Variants in SELENBP1 observed in about 807,000 individuals in gnomAD.
SELENBP1 encodes the protein methanethiol oxidase.
Under a neutral mutation model 61.0 loss-of-function variants are expected in SELENBP1, and 71 were observed. The observed-to-expected ratio is 1.16, with a 90% CI of 0.96 to 1.42. The LOEUF is 1.42. Among genes scored for constraint, SELENBP1 ranks in the 40% most tolerant of loss-of-function variants. SELENBP1 has a pLI of 0.00. For synonymous variants in SELENBP1, 270 were observed against 238.9 expected (o/e 1.13, Z -1.20); for missense variants, 561 against 605.0 (o/e 0.93, Z 0.76).
intron 1 of SELENBP1, among the ~76,000 whole-genome samples, chr1:151,371,868 C>A (rs544538782): frequency 6.6e-6 from 1 of 152,110 alleles, no homozygotes; most frequent in African/African-American, 2.4e-5. Context: ...TGGGGAATAC[C>A]CCCATCTGAA....
chr1:151,368,909 G>A (rs1236128927), intron 4 of SELENBP1, 95 bp downstream of exon 4: 1 of 1,322,954 alleles, frequency 7.6e-7, no homozygotes, highest in African/African-American at 1.5e-5. Flanking sequence ...GTAAGAGCTG[G>A]AGGCTGCTGG....
rs374782690 is a variant in SELENBP1, at chr1:151,365,055, C to G, written c.1138-11G>C. 10 of 1,603,132 alleles carry G rather than the reference C, an allele frequency of 6.2e-6. No individual in the cohort carries two copies. Among genetic ancestry groups the G allele is most frequent in the Non-Finnish European group, 8.5e-6 (10 of 1,174,946 alleles). On this transcript the variant is annotated splice_polypyrimidine_tract_variant and intron_variant, in intron 10 of 11. Transcript: ENST00000368868. ...AGCCACCCGTTTTCCCTTGGGAAAA[C>G]CAGGGGTCAGAGCCCAGGGTAACAC...
rs1222319758 is a variant in SELENBP1 at position 151,364,951 on chromosome 1, T to C, written c.1231A>G (p.Lys411Glu). 28 of 1,613,788 alleles carry C rather than the reference T, an allele frequency of 1.7e-5. No homozygotes were observed. Among genetic ancestry groups the C allele is most frequent in the African/African-American group, 4.0e-5 (3 of 74,862 alleles). The change falls in exon 11 of 12, where the codon AAG becomes GAG. Residue 411 changes from lysine (K) to glutamate (E), a missense_variant. Lys to Glu is a moderately conservative substitution (Grantham distance 56). Transcript: ENST00000368868. ...CTGATGAGATCAGGGTAAAACTGCT[T>C]GTCCCAGGCACTGTACAGCGACGTG... Reference protein sequence around the residue: ...ITTSLYSAWDKQFYPDLIREG... With the variant: ...ITTSLYSAWDEQFYPDLIREG...
chr1:151,366,634 G>T, intron 6 of SELENBP1, 88 bp downstream of exon 6: 1 of 1,508,722 alleles, frequency 6.6e-7, no homozygotes, highest in Admixed American at 1.7e-5. Flanking sequence ...TGGGGCCACA[G>T]GAGGGAAGTG....
In SELENBP1 at chr1:151,368,286, C is replaced by T. The variant is rs139596414; in HGVS notation, c.394G>A (p.Glu132Lys). 1.1e-4 allele frequency: 181 copies of T among 1,614,188 alleles called. No individual in the cohort carries two copies. In the East Asian group the frequency reaches 1.2e-3, roughly 11 times the overall value. The change falls in exon 5 of 12, where the codon GAA (glutamate) becomes AAA (lysine). Residue 132 changes from glutamate to lysine, a missense_variant. Glu to Lys is a moderately conservative substitution (Grantham distance 56). Transcript: ENST00000368868. ...TGGCTGGTGTGGAGAAAGGCCAGTT[C>T]GCACTTGGCATGGATGTCCTTGGGC... ...IEPKDIHAKC[E>K]LAFLHTSHCL...
intron 4 of SELENBP1, 43 bp from the exon 5 acceptor site, chr1:151,368,362 G>A (rs373207682): frequency 1.6e-5 from 25 of 1,602,694 alleles, no homozygotes; most frequent in Non-Finnish European, 2.1e-5. Context: ...ACAGGACTGG[G>A]AGTCCCTGCT....
chr1:151,365,124 G>T, intron 10 of SELENBP1, 65 bp downstream of exon 10: 1 of 1,581,740 alleles, frequency 6.3e-7, no homozygotes, highest in Non-Finnish European at 8.7e-7. Context: ...ATGCTCAGCT[G>T]CTCCCCCACA....
In SELENBP1 at chr1:151,366,445, C is replaced by T. The variant is rs758495626; in HGVS notation, c.673G>A (p.Gly225Arg). 92 of 1,613,344 alleles carry T rather than the reference C, an allele frequency of 5.7e-5. No homozygotes were observed. The highest frequency in any genetic ancestry group is 1.6e-4 in the Middle Eastern group (1 of 6,082). The change falls in exon 7 of 12, where the codon GGG (glycine) becomes AGG (arginine). Residue 225 changes from glycine (G) to arginine (R), a missense_variant. Gly to Arg is a moderately radical substitution (Grantham distance 125). Coordinates refer to ENST00000368868, the MANE Select transcript of SELENBP1 (RefSeq NM_003944.4). The stretch of plus-strand genomic sequence containing the variant: ...CAGTCCCATACATATAAGTGGCTCC[C>T]GTACAGTCCTGGGGTGGGAGTGGGG... ...NPADVEAGLY[G>R]SHLYVWDWQR...
intron 1 of SELENBP1, among the ~76,000 whole-genome samples, chr1:151,372,293 A>G (rs1652177564): frequency 6.6e-6 from 1 of 152,174 alleles, no homozygotes; most frequent in African/African-American, 2.4e-5. Flanking sequence ...CCTCTCTACT[A>G]TGTGAGGGCC....
Position 151,369,399 on chromosome 1 carries a change from C to T in SELENBP1, c.174+43G>A, listed in dbSNP as rs1278903134. On this transcript the variant is annotated intron_variant, in intron 3 of 11. Transcript: ENST00000368868. ...GGGGGCCCAGGGCCAGGGATGAGGG[C>T]AGCTATGGTCTCAAAGTAGCTGGCG... is the stretch of plus-strand genomic sequence containing the variant. 5.1e-6 allele frequency: 8 copies of T among 1,555,040 alleles called. No individual in the cohort carries two copies. The Admixed American group carries it at 5.5e-5, about 11-fold the overall frequency.
Position 151,366,810 on chromosome 1 carries a change from G to A in SELENBP1, c.576C>T (p.Tyr192=), listed in dbSNP as rs747234358. 2 of 1,614,134 alleles carry A rather than the reference G, an allele frequency of 1.2e-6. No individual in the cohort carries two copies. The highest frequency in any genetic ancestry group is 1.7e-6 in the Non-Finnish European group (2 of 1,180,024). The change falls in exon 6 of 12, where the codon TAC becomes TAT. Residue 192 remains tyrosine, a synonymous_variant. Transcript: ENST00000368868. ...TGATCATGACATTGTGTCGAGGCTG[G>A]TACCAGAAGTCATAGCCCAACGGTG... ...GAAPLGYDFW[Y]QPRHNVMIST...
Position 151,365,707 on chromosome 1 carries a change from G to T in SELENBP1, c.923-23C>A, listed in dbSNP as rs753810822. ...GGCCTGTGGGCAGGGGGCGAGTAGA[G>T]CCTTTAAGGACTCTTGTTTCCCAGG... is the stretch of plus-strand genomic sequence containing the variant. On this transcript the variant is annotated intron_variant, in intron 8 of 11. Transcript: ENST00000368868. 3.7e-6 allele frequency: 6 copies of T among 1,614,118 alleles called. No homozygotes were observed. In the South Asian group the frequency reaches 5.5e-5, roughly 15 times the overall value.
Position 151,365,617 on chromosome 1 carries a change from C to G in SELENBP1, c.990G>C (p.Gly330=). Residue 330 remains glycine (G), a synonymous_variant, in exon 9 of 12, where the codon GGG becomes GGC. Coordinates refer to ENST00000368868, the MANE Select transcript of SELENBP1 (RefSeq NM_003944.4). ...CAGAGATGTCATACTGCCTCAGGTC[C>G]CCATGCAGCCAGTTGCTGAAGTAGA... ...RFLYFSNWLH[G]DLRQYDISDP... The G allele has an allele frequency of 6.2e-7, 1 of 1,614,186 alleles. No homozygotes were observed. The highest frequency in any genetic ancestry group is 1.3e-5 in the African/African-American group (1 of 75,040).
chr1:151,371,103 G>T lies in SELENBP1; in HGVS notation c.5-1334C>A, dbSNP rs564761188. On this transcript the variant is annotated intron_variant, in intron 1 of 11. Coordinates refer to ENST00000368868, the MANE Select transcript of SELENBP1 (RefSeq NM_003944.4). ...AAGGCCTTTCATAAAAATGAATTAGGCCGGGTGCGGTGGCTCATGCCTGTA... is the reference window on the plus strand; with the variant it reads ...AAGGCCTTTCATAAAAATGAATTAGTCCGGGTGCGGTGGCTCATGCCTGTA... 5.8e-4 allele frequency among the ~76,000 whole-genome samples: 89 copies of T among 152,292 alleles called. 2 individuals carry two copies. The South Asian group carries it at 0.016, about 27-fold the overall frequency.
intron 1 of SELENBP1, among the ~76,000 whole-genome samples, chr1:151,372,364 C>T (rs1007607711): frequency 2.0e-5 from 3 of 152,174 alleles, no homozygotes; most frequent in Admixed American, 6.5e-5. Flanking sequence ...AGAAAGGCAC[C>T]CTGGTCCCAG....
rs375056751 is a variant in SELENBP1, at chr1:151,366,457, G to T, written c.665-4C>A. The T allele has an allele frequency of 1.6e-5, 26 of 1,609,944 alleles. No individual in the cohort carries two copies. Among genetic ancestry groups the T allele is most frequent in the Non-Finnish European group, 2.0e-5 (24 of 1,177,186 alleles). The stretch of plus-strand genomic sequence containing the variant: ...TATAAGTGGCTCCCGTACAGTCCTG[G>T]GGTGGGAGTGGGGCCGGAGGATAGG... On this transcript the variant is annotated splice_region_variant and splice_polypyrimidine_tract_variant and intron_variant, in intron 6 of 11. Coordinates refer to ENST00000368868, the MANE Select transcript of SELENBP1 (RefSeq NM_003944.4).
At position 151,366,917 on chromosome 1, in the gene SELENBP1, G is replaced by T; in HGVS notation, c.482-13C>A. The T allele has an allele frequency of 6.2e-7, 1 of 1,612,192 alleles. No homozygotes were observed. The highest frequency in any genetic ancestry group is 8.5e-7 in the Non-Finnish European group (1 of 1,178,680). ...AGCACAAAACCCCCTGAACAGGGAA[G>T]GAAGCAGGGTGGCAGGTAGAAGCAG... On this transcript the variant is annotated splice_polypyrimidine_tract_variant and intron_variant, in intron 5 of 11. Coordinates refer to ENST00000368868, the MANE Select transcript of SELENBP1 (RefSeq NM_003944.4).
Position 151,365,212 on chromosome 1 carries a change from G to C in SELENBP1, c.1114C>G (p.Gln372Glu), listed in dbSNP as rs1206571661. The change falls in exon 10 of 12, where the codon CAG becomes GAG. Residue 372 changes from glutamine (Q) to glutamate (E), a missense_variant. By Grantham distance (29) the Gln-to-Glu change is conservative. Transcript: ENST00000368868. ...QVLEDEELKS[Q>E]PEPLVVKGKR... The stretch of plus-strand genomic sequence containing the variant: ...ACCTTGACCACTAGGGGCTCTGGCT[G>C]GGACTTTAGTTCCTCGTCCTCCAGC... 6.2e-7 allele frequency: 1 copy of C among 1,613,878 alleles called. No individual in the cohort carries two copies.
At position 151,365,022 on chromosome 1, in the gene SELENBP1, G is replaced by C; in HGVS notation, c.1160C>G (p.Pro387Arg). 6.2e-7 allele frequency: 1 copy of C among 1,610,242 alleles called. No homozygotes were observed. Among genetic ancestry groups the C allele is most frequent in the Non-Finnish European group, 8.5e-7 (1 of 1,178,494 alleles). ...ATCCAGGCTGAGCTGGATCATCTGAGGGCCTCCAGCCACCCGTTTTCCCTT... is the reference window on the plus strand; with the variant it reads ...ATCCAGGCTGAGCTGGATCATCTGACGGCCTCCAGCCACCCGTTTTCCCTT... ...VVKGKRVAGG[P>R]QMIQLSLDGK... Residue 387 changes from proline to arginine, a missense_variant, in exon 11 of 12, where the codon CCT becomes CGT. Transcript: ENST00000368868.
Sources: allele counts gnomAD v4.1 joint callset (sites outside exome capture counted in the v4.1 genomes callset), GRCh38; gene constraint gnomAD v4.1.1; transcripts MANE v1.5; gene names NCBI Gene and HGNC (gene_info 2026-07-23, HGNC 2026-07-21).